Variants in KNSTRN observed in about 807,000 individuals in gnomAD.
KNSTRN encodes kinetochore localized astrin (SPAG5) binding protein, also known as small kinetochore-associated protein.
A neutral mutation model predicts 44.7 loss-of-function variants in KNSTRN; 38 were observed. The ratio of observed to expected loss-of-function variants is 0.85; its 90% confidence interval spans 0.66 to 1.11. The LOEUF (loss-of-function observed/expected upper bound fraction) is 1.11, where lower values mean the gene tolerates loss of function less well. Ranked by LOEUF, KNSTRN falls within the 50% of genes most tolerant of loss-of-function variation. The pLI is 0.00. For missense variants in KNSTRN, 406 were observed against 375.8 expected (o/e 1.08, Z -0.66); for synonymous variants, 158 against 148.1 (o/e 1.07, Z -0.48).
rs74604904 is a variant in KNSTRN, at chr15:40,382,843, C to T, written c.8C>T (p.Ala3Val). ...GCGAACCTTCCGTACAGTATGGCGG[C>T]TCCCGAAGCCCCGCCCCTGGACAGA... MAAPEAPPLDRVF... is the reference protein window; with the variant it reads MAVPEAPPLDRVF... Residue 3 changes from alanine to valine, a missense_variant, in exon 1 of 9, where the codon GCT (alanine) becomes GTT (valine). Ala to Val is a moderately conservative substitution (Grantham distance 64). Coordinates refer to ENST00000249776, the MANE Select transcript of KNSTRN (RefSeq NM_033286.4). 6.2e-7 allele frequency: 1 copy of T among 1,608,146 alleles called. No homozygotes were observed. The highest frequency in any genetic ancestry group is 1.3e-5 in the African/African-American group (1 of 74,810).
chr15:40,393,728 T>A lies in KNSTRN; in HGVS notation c.*131T>A. On this transcript the variant is annotated 3_prime_UTR_variant, in exon 9 of 9. Coordinates refer to ENST00000249776, the MANE Select transcript of KNSTRN (RefSeq NM_033286.4). ...ATGAAAACAATTTCTACAGTAGACT[T>A]AAGGACAGTTTATGCTGAAATGGCA... 2 of 843,886 alleles carry A rather than the reference T, an allele frequency of 2.4e-6. No homozygotes were observed. The highest frequency in any genetic ancestry group is 1.8e-5 in the South Asian group (1 of 55,730). The allele number at this position is 843,886 out of a possible 1,614,324, so 52.3% of individuals were successfully genotyped here.
rs12595509 is a variant in KNSTRN, at chr15:40,393,739, T to A, written c.*142T>A. 3.7e-5 allele frequency: 28 copies of A among 756,858 alleles called. No homozygotes were observed. In the East Asian group the frequency reaches 8.3e-4, roughly 22 times the overall value. The allele number at this position is 756,858 out of a possible 1,614,324, so 46.9% of individuals were successfully genotyped here. A position where few individuals can be genotyped will look rare whatever the true frequency, so the allele number is the denominator to read the frequency against. ...TTCTACAGTAGACTTAAGGACAGTTTATGCTGAAATGGCAATTCCTCATTT... is the reference window on the plus strand; with the variant it reads ...TTCTACAGTAGACTTAAGGACAGTTAATGCTGAAATGGCAATTCCTCATTT... On this transcript the variant is annotated 3_prime_UTR_variant, in exon 9 of 9. Transcript: ENST00000249776.
chr15:40,393,106 A>T, intron 8 of KNSTRN: 1 of 1,394,844 alleles, frequency 7.2e-7, no homozygotes, highest in Admixed American at 1.7e-5. Flanking sequence ...GGAATTGAGA[A>T]CTATATGTAA....
chr15:40,392,922 T>C (rs1890025538), intron 8 of KNSTRN, among the ~76,000 whole-genome samples: 1 of 152,120 alleles, frequency 6.6e-6, no homozygotes, highest in South Asian at 2.1e-4. Context: ...GAAAAAAATT[T>C]TTTAAAAAAC....
intron 2 of KNSTRN, 84 bp downstream of exon 2, chr15:40,383,406 C>A (rs977495989): frequency 9.3e-7 from 1 of 1,074,494 alleles, no homozygotes; most frequent in Non-Finnish European, 1.4e-6. Context: ...GTGGCGCGGG[C>A]ACGGGGAAGG....
intron 2 of KNSTRN, 58 bp from the exon 3 acceptor site, chr15:40,386,304 A>G: frequency 1.3e-6 from 2 of 1,550,640 alleles, no homozygotes; most frequent in Non-Finnish European, 8.7e-7. Context: ...TGTTTGTTAC[A>G]GGGTTGCAAC....
intron 4 of KNSTRN, 195 bp from the exon 5 acceptor site, chr15:40,389,311 A>G (rs773058496): frequency 1.9e-6 from 1 of 531,638 alleles, no homozygotes; most frequent in Non-Finnish European, 3.4e-6. Context: ...ACCACGCCTG[A>G]CTAATCTTTT....
intron 6 of KNSTRN, among the ~76,000 whole-genome samples, chr15:40,390,887 T>A (rs1175372194): frequency 6.6e-6 from 1 of 152,206 alleles, no homozygotes; most frequent in East Asian, 1.9e-4. Flanking sequence ...AGTGCTGGGT[T>A]TACAGACATG....
chr15:40,391,566 G>T lies in KNSTRN; in HGVS notation c.747+12G>T. ...ACATGGACTCTATGGTGAGGGCATG[G>T]GTGTGAAAGGGCGCAAGGGCTGAGT... is the stretch of plus-strand genomic sequence containing the variant. On this transcript the variant is annotated intron_variant, in intron 7 of 8. Transcript: ENST00000249776. 6.2e-7 allele frequency: 1 copy of T among 1,609,710 alleles called. No homozygotes were observed. The highest frequency in any genetic ancestry group is 8.5e-7 in the Non-Finnish European group (1 of 1,176,062).
intron 4 of KNSTRN, among the ~76,000 whole-genome samples, chr15:40,388,992 T>G (rs1889950444): frequency 6.6e-6 from 1 of 152,156 alleles, no homozygotes; most frequent in Non-Finnish European, 1.5e-5. Flanking sequence ...TTATTACTCA[T>G]AATAATAATA....
At position 40,393,287 on chromosome 15, in the gene KNSTRN, G is replaced by C. The variant is rs1318056919; in HGVS notation, c.823-182G>C. On this transcript the variant is annotated intron_variant, in intron 8 of 8. Transcript: ENST00000249776. ...AGTCTAGTCCCTCTCTACTACTAGAGGGACAATTCCTAAAACCAGTGCATA... is the reference window on the plus strand; with the variant it reads ...AGTCTAGTCCCTCTCTACTACTAGACGGACAATTCCTAAAACCAGTGCATA... The C allele has an allele frequency of 2.5e-6, 4 of 1,611,534 alleles. No homozygotes were observed. In the Admixed American group the frequency reaches 5.0e-5, roughly 20 times the overall value.
intron 4 of KNSTRN, 95 bp downstream of exon 4, chr15:40,387,301 T>A: frequency 9.5e-7 from 1 of 1,051,676 alleles, no homozygotes; most frequent in Non-Finnish European, 1.5e-6. Context: ...ACTTGTTTAC[T>A]GTGTTAGGGT....
rs1048530372 is a variant in KNSTRN, at chr15:40,386,640, G to A, written c.437+146G>A. 8.8e-5 allele frequency: 66 copies of A among 748,296 alleles called. No homozygotes were observed. In the African/African-American group the frequency reaches 1.0e-3, roughly 11 times the overall value. 46.4% of individuals were successfully genotyped at this position (748,296 alleles called of 1,614,324 possible). On this transcript the variant is annotated intron_variant, in intron 3 of 8. Coordinates refer to ENST00000249776, the MANE Select transcript of KNSTRN (RefSeq NM_033286.4). ...GCCCAGAGCAGTGCAGCATTGCTGA[G>A]CTCTGTGCCAGAACCCTCTGTGTTG...
At chr15:40,388,735 G>A (rs1237070259) in intron 4 of KNSTRN, among the ~76,000 whole-genome samples, 2 of 151,692 alleles carry the variant, frequency 1.3e-5, no homozygotes, top group Non-Finnish European at 2.9e-5. Flanking sequence ...TTCCGCCCTT[G>A]GCAGGCCAGG....
At chr15:40,383,155 G>T (rs538880562) in intron 1 of KNSTRN, 73 bp from the exon 2 acceptor site, 1 of 1,579,346 alleles carries the variant, frequency 6.3e-7, no homozygotes, top group South Asian at 1.1e-5. Context: ...GTCGGGTCGC[G>T]CTATCCCCGG....
intron 4 of KNSTRN, among the ~76,000 whole-genome samples, chr15:40,388,970 G>A (rs1199691984): frequency 1.3e-5 from 2 of 152,148 alleles, no homozygotes; most frequent in African/African-American, 2.4e-5. Context: ...AAATGCACAC[G>A]TGTTTTCTCT....
chr15:40,389,819 G>C lies in KNSTRN; in HGVS notation c.592-17G>C. The C allele has an allele frequency of 6.2e-7, 1 of 1,611,132 alleles. No homozygotes were observed. The highest frequency in any genetic ancestry group is 8.5e-7 in the Non-Finnish European group (1 of 1,177,172). ...GAGTTGGACAATTCCTGATCTGTCTGTGCTGTGCTCCAATAGGGAGAGCTG... is the reference window on the plus strand; with the variant it reads ...GAGTTGGACAATTCCTGATCTGTCTCTGCTGTGCTCCAATAGGGAGAGCTG... On this transcript the variant is annotated splice_polypyrimidine_tract_variant and intron_variant, in intron 5 of 8. Coordinates refer to ENST00000249776, the MANE Select transcript of KNSTRN (RefSeq NM_033286.4).
chr15:40,383,004 G>A lies in KNSTRN; in HGVS notation c.169G>A (p.Glu57Lys). The A allele has an allele frequency of 6.2e-7, 1 of 1,611,922 alleles. No homozygotes were observed. The highest frequency in any genetic ancestry group is 8.5e-7 in the Non-Finnish European group (1 of 1,180,032). Residue 57 changes from glutamate to lysine, a missense_variant, in exon 1 of 9, where the codon GAG becomes AAG. By Grantham distance (56) the Glu-to-Lys change is moderately conservative. Coordinates refer to ENST00000249776, the MANE Select transcript of KNSTRN (RefSeq NM_033286.4). Reference protein sequence around the residue: ...TTVAAGNLLNESEKDCGQDRR... With the variant: ...TTVAAGNLLNKSEKDCGQDRR... ...AGTTGCTGCAGGGAATCTTTTAAAC[G>A]AGAGCGAGAAGGACTGCGGGCAGGA... is the stretch of plus-strand genomic sequence containing the variant.
chr15:40,383,233 A>T lies in KNSTRN; in HGVS notation c.215A>T (p.Gln72Leu), dbSNP rs574957344. Residue 72 changes from glutamine (Q) to leucine (L), a missense_variant, in exon 2 of 9, where the codon CAG (glutamine) becomes CTG (leucine). Transcript: ENST00000249776. ...ATTCATCCTGTACCTTCCAGGGTTC[A>T]GCCGTGCCGCCTCGTTACGATGACC... Reference protein sequence around the residue: ...CGQDRRAPGVQPCRLVTMTSV... With the variant: ...CGQDRRAPGVLPCRLVTMTSV... 6 of 1,613,908 alleles carry T rather than the reference A, an allele frequency of 3.7e-6. No homozygotes were observed. The highest frequency in any genetic ancestry group is 5.1e-6 in the Non-Finnish European group (6 of 1,179,762).
Sources: gnomAD v4.1 joint callset for allele counts (sites outside exome capture counted in the v4.1 genomes callset) on GRCh38, gnomAD v4.1.1 for gene constraint, MANE v1.5 for transcripts, NCBI Gene and HGNC (gene_info 2026-07-23, HGNC 2026-07-21) for gene names.